The following HCN1 variants were observed in gnomAD, a reference collection of about 807,000 sequenced individuals.
HCN1 encodes hyperpolarization activated cyclic nucleotide gated potassium channel 1.
HCN1 carries 13 observed loss-of-function variants against 78.9 expected under a neutral mutation model. The ratio of observed to expected loss-of-function variants is 0.16; its 90% CI spans 0.11 to 0.26. The LOEUF (loss-of-function observed/expected upper bound fraction) is 0.26, where lower values mean the gene tolerates loss of function less well. Among genes scored for constraint, HCN1 ranks in the 10% least tolerant of loss-of-function variants. HCN1 has a pLI of 1.00. For synonymous variants in HCN1, 552 were observed against 455.5 expected, an observed-to-expected ratio of 1.21 and a Z score of -2.70; for missense variants, 810 against 1,154.3, an observed-to-expected ratio of 0.70 and a Z score of 4.32.
At chr5:45,365,729 C>T (rs534915929) in intron 4 of HCN1, among the ~76,000 whole-genome samples, 22 of 151,826 alleles carry the variant, frequency 1.4e-4, no homozygotes, top group East Asian at 1.4e-3. Flanking sequence ...CTGGGTTGAA[C>T]GGTAGTTCTA....
In HCN1 at chr5:45,572,863, T is replaced by C. The variant is rs116082157; in HGVS notation, c.849+72322A>G. Among the ~76,000 whole-genome samples the C allele has an allele frequency of 2.0e-3, 310 of 152,276 alleles. 2 individuals carry two copies. Among genetic ancestry groups the C allele is most frequent in the African/African-American group, 7.1e-3 (297 of 41,580 alleles). ...AAAGAGATAAAAAATAAGTTCAATATATTAAATGTCATTGTGATTTGTGAT... is the reference window on the plus strand; with the variant it reads ...AAAGAGATAAAAAATAAGTTCAATACATTAAATGTCATTGTGATTTGTGAT... On this transcript the variant is annotated intron_variant, in intron 2 of 7. Coordinates refer to ENST00000303230, the MANE Select transcript of HCN1 (RefSeq NM_021072.4).
chr5:45,649,344 T>C (rs1745632982), intron 1 of HCN1, among the ~76,000 whole-genome samples: 1 of 151,954 alleles, frequency 6.6e-6, no homozygotes, highest in Admixed American at 6.6e-5. Flanking sequence ...CCTACACATA[T>C]ATAGTCCCTC....
In HCN1 at chr5:45,464,694, A is replaced by T. The variant is rs147917545; in HGVS notation, c.850-2687T>A. 5.6e-3 allele frequency among the ~76,000 whole-genome samples: 853 copies of T among 152,202 alleles called. 7 individuals are homozygous for T. The highest frequency in any genetic ancestry group is 6.1e-3 in the Non-Finnish European group (418 of 68,000). On this transcript the variant is annotated intron_variant, in intron 2 of 7. Coordinates refer to ENST00000303230, the MANE Select transcript of HCN1 (RefSeq NM_021072.4). ...TAATATTACTTGTGATGAATACGTGAATGTGTGCATTATCTCGGCCCGATC... is the reference window on the plus strand; with the variant it reads ...TAATATTACTTGTGATGAATACGTGTATGTGTGCATTATCTCGGCCCGATC...
intron 3 of HCN1, among the ~76,000 whole-genome samples, chr5:45,428,787 C>A (rs867145916): frequency 6.6e-6 from 1 of 151,370 alleles, no homozygotes; most frequent in Admixed American, 6.6e-5. Context: ...ACTGAAATGA[C>A]AGAAAAAGCT....
rs1040550277 is a variant in HCN1 at position 45,259,725 on chromosome 5, A to T, written c.*2196T>A. 2 of 152,392 alleles carry T rather than the reference A, an allele frequency of 1.3e-5. No individual in the cohort carries two copies. The highest frequency in any genetic ancestry group is 6.6e-5 in the Admixed American group (1 of 15,262). The allele number at this position is 152,392 out of a possible 1,614,324, so 9.4% of individuals were successfully genotyped here. A position where few individuals can be genotyped will look rare whatever the true frequency, so the allele number is the denominator to read the frequency against. On this transcript the variant is annotated 3_prime_UTR_variant, in exon 8 of 8. Coordinates refer to ENST00000303230, the MANE Select transcript of HCN1 (RefSeq NM_021072.4). ...GTTTCCCAATAGTGCTCAAAATAAA[A>T]AACCAAAAATTTATATATATAAAAA...
chr5:45,280,793 A>G (rs1745141787), intron 6 of HCN1, among the ~76,000 whole-genome samples: 1 of 152,222 alleles, frequency 6.6e-6, no homozygotes, highest in Admixed American at 6.5e-5. Context: ...TGCTTTAATT[A>G]TGCAATCTTT....
chr5:45,287,747 T>C (rs530786282), intron 6 of HCN1, among the ~76,000 whole-genome samples: 3 of 152,190 alleles, frequency 2.0e-5, no homozygotes, highest in Non-Finnish European at 4.4e-5. Flanking sequence ...TTCATTGCTA[T>C]AGGATTAAGA....
intron 6 of HCN1, among the ~76,000 whole-genome samples, chr5:45,269,116 G>C (rs934560347): frequency 6.6e-6 from 1 of 152,200 alleles, no homozygotes; most frequent in African/African-American, 2.4e-5. Flanking sequence ...TGCAGAGACA[G>C]ATAACAGATT....
At chr5:45,297,028 G>A (rs987183225) in intron 6 of HCN1, among the ~76,000 whole-genome samples, 1 of 151,986 alleles carries the variant, frequency 6.6e-6, no homozygotes, top group Non-Finnish European at 1.5e-5. Context: ...AAATATAGAG[G>A]TGTGATGTGG....
In HCN1 at chr5:45,658,187, G is replaced by A. The variant is rs536264589; in HGVS notation, c.426-12579C>T. On this transcript the variant is annotated intron_variant, in intron 1 of 7. Transcript: ENST00000303230. ...TGCTGGGAAAACTGGCTAGCCATAT[G>A]TAGAAAGCTGAAACTGGATCCCTTC... Among the ~76,000 whole-genome samples, 793 of 152,290 alleles carry A rather than the reference G, an allele frequency of 5.2e-3. 9 individuals carry two copies. Among genetic ancestry groups the A allele is most frequent in the African/African-American group, 0.017 (701 of 41,558 alleles).
At chr5:45,426,917 T>C (rs965940632) in intron 3 of HCN1, among the ~76,000 whole-genome samples, 3 of 152,158 alleles carry the variant, frequency 2.0e-5, no homozygotes, top group Non-Finnish European at 4.4e-5. Flanking sequence ...TTTAGCAGTT[T>C]CTATGTCACA....
chr5:45,585,825 G>A (rs543744597), intron 2 of HCN1, among the ~76,000 whole-genome samples: 14 of 152,278 alleles, frequency 9.2e-5, no homozygotes, highest in African/African-American at 3.1e-4. Context: ...CAGCAGTGGA[G>A]GCTGCAGAAC....
intron 5 of HCN1, among the ~76,000 whole-genome samples, chr5:45,305,833 A>AGGAG (rs1218501662): frequency 6.9e-6 from 1 of 145,574 alleles, no homozygotes; most frequent in East Asian, 2.2e-4. Context: ...AAAGAAGGAA[A>AGGAG]GGAGGGAGGG....
At chr5:45,355,142 G>C (rs183155392) in intron 4 of HCN1, among the ~76,000 whole-genome samples, 1 of 151,942 alleles carries the variant, frequency 6.6e-6, no homozygotes, top group Non-Finnish European at 1.5e-5. Flanking sequence ...AACAATAAGA[G>C]AGTATTTGAC....
In HCN1 at chr5:45,394,741, C is replaced by T. The variant is rs559311351; in HGVS notation, c.1230+1751G>A. Among the ~76,000 whole-genome samples the T allele has an allele frequency of 4.0e-5, 6 of 151,888 alleles. 1 individual carries two copies. Among genetic ancestry groups the T allele is most frequent in the Middle Eastern group, 6.8e-3 (2 of 294 alleles). ...TGAGGCAAGAGAATCATTTGAACCCCGAAGGTAGAGGTTGTAGTGAGCTGA... is the reference window on the plus strand; with the variant it reads ...TGAGGCAAGAGAATCATTTGAACCCTGAAGGTAGAGGTTGTAGTGAGCTGA... On this transcript the variant is annotated intron_variant, in intron 4 of 7. Coordinates refer to ENST00000303230, the MANE Select transcript of HCN1 (RefSeq NM_021072.4).
chr5:45,464,909 T>C (rs1741236839), intron 2 of HCN1, among the ~76,000 whole-genome samples: 1 of 152,174 alleles, frequency 6.6e-6, no homozygotes, highest in Non-Finnish European at 1.5e-5. Flanking sequence ...GCATCTGATC[T>C]AATTTATGCA....
rs1028485736 is a variant in HCN1, at chr5:45,658,495, G to A, written c.426-12887C>T. 5.3e-5 allele frequency among the ~76,000 whole-genome samples: 8 copies of A among 152,302 alleles called. No homozygotes were observed. The South Asian group carries it at 8.3e-4, about 16-fold the overall frequency. ...ACAGCTCCAGTCTACAGCTCCCAGC[G>A]TGAGCGATGAAGAAGATGGGTGATT... is the stretch of plus-strand genomic sequence containing the variant. On this transcript the variant is annotated intron_variant, in intron 1 of 7. Transcript: ENST00000303230.
intron 3 of HCN1, among the ~76,000 whole-genome samples, chr5:45,411,161 G>A (rs938362986): frequency 1.3e-5 from 2 of 151,910 alleles, no homozygotes; most frequent in African/African-American, 4.8e-5. Context: ...TTGGGGTGAG[G>A]GCATGAGGAA....
chr5:45,307,871 AT>A lies in HCN1; in HGVS notation c.1378-4033del, dbSNP rs1245909818. On this transcript the variant is annotated intron_variant, in intron 5 of 7. Transcript: ENST00000303230. Reference sequence around the variant, plus strand: ...CAAATGTAGCATACTAATGTAAGGTATTAAAAACGGGGGAAATTGGATGTGA... The same window carrying A: ...CAAATGTAGCATACTAATGTAAGGTATAAAAACGGGGGAAATTGGATGTGA... 6.6e-5 allele frequency among the ~76,000 whole-genome samples: 10 copies of A among 152,276 alleles called. 1 individual carries two copies. The South Asian group carries it at 2.1e-3, about 32-fold the overall frequency.
Sources: gnomAD v4.1 joint callset for allele counts (sites outside exome capture counted in the v4.1 genomes callset) on GRCh38, gnomAD v4.1.1 for gene constraint, MANE v1.5 for transcripts, NCBI Gene and HGNC (gene_info 2026-07-23, HGNC 2026-07-21) for gene names.